Variants in LRBA observed in about 807,000 individuals in gnomAD.
LRBA encodes the protein LPS responsive beige-like anchor protein.
Under a neutral mutation model 330.0 loss-of-function variants are expected in LRBA, and 176 were observed. The ratio of observed to expected loss-of-function variants is 0.53; its 90% CI spans 0.47 to 0.60. The LOEUF is 0.60. LRBA is among the 20% of genes least tolerant of loss of function. LRBA has a pLI of 0.00. For missense variants in LRBA, 3,259 were observed against 3,444.8 expected (o/e 0.95, Z 1.35); for synonymous variants, 1,230 against 1,193.0 (o/e 1.03, Z -0.64).
At chr4:150,434,121 C>T (rs559796533) in intron 46 of LRBA, among the ~76,000 whole-genome samples, 110 of 152,168 alleles carry the variant, frequency 7.2e-4, no homozygotes, top group African/African-American at 2.4e-3. Flanking sequence ...TCCAATATTT[C>T]TCATCTGGCA....
intron 2 of LRBA, among the ~76,000 whole-genome samples, chr4:150,945,693 C>G (rs1456466806): frequency 3.3e-5 from 5 of 152,024 alleles, no homozygotes. Flanking sequence ...ATAGATAAGG[C>G]AAGTCATTCG....
intron 36 of LRBA, among the ~76,000 whole-genome samples, chr4:150,701,355 G>C (rs1785102661): frequency 6.6e-6 from 1 of 152,078 alleles, no homozygotes; most frequent in East Asian, 1.9e-4. Flanking sequence ...GCATAGTATA[G>C]TAAATACATA....
In LRBA at chr4:150,928,666, A is replaced by G. The variant is rs767945016; in HGVS notation, c.449-50T>C. 4.8e-6 allele frequency: 7 copies of G among 1,451,942 alleles called. No homozygotes were observed. The South Asian group carries it at 8.2e-5, about 17-fold the overall frequency. 89.9% of individuals were successfully genotyped at this position (1,451,942 alleles called of 1,614,324 possible). On this transcript the variant is annotated intron_variant, in intron 3 of 56. Transcript: ENST00000651943. ...ATAACTCAGCTAGTTATATTTCTCGAATATTTAAAATAAACTGTGCTTATT... is the reference window on the plus strand; with the variant it reads ...ATAACTCAGCTAGTTATATTTCTCGGATATTTAAAATAAACTGTGCTTATT...
intron 44 of LRBA, among the ~76,000 whole-genome samples, chr4:150,464,261 T>C (rs1755156395): frequency 6.6e-6 from 1 of 152,086 alleles, no homozygotes; most frequent in African/African-American, 2.4e-5. Context: ...CACGTATTCA[T>C]ATATATGTCA....
chr4:150,575,178 T>A (rs1770390277), intron 40 of LRBA, among the ~76,000 whole-genome samples: 1 of 152,004 alleles, frequency 6.6e-6, no homozygotes, highest in Non-Finnish European at 1.5e-5. Flanking sequence ...ATCAGATGGT[T>A]AAAGGAAAAG....
chr4:150,373,162 T>TGAGAGAGAGA (rs1385413027), intron 47 of LRBA, among the ~76,000 whole-genome samples: 22 of 144,986 alleles, frequency 1.5e-4, no homozygotes, highest in African/African-American at 5.2e-4. Flanking sequence ...TGTGTGTGTG[T>TGAGAGAGAGA]GTGTGTGTGT....
In LRBA at chr4:150,900,182, T is replaced by C; in HGVS notation, c.1791A>G (p.Glu597=). The C allele has an allele frequency of 6.2e-7, 1 of 1,613,080 alleles. No homozygotes were observed. The highest frequency in any genetic ancestry group is 8.5e-7 in the Non-Finnish European group (1 of 1,179,342). Residue 597 remains glutamate, a synonymous_variant, in exon 14 of 57, where the codon GAA becomes GAG. Transcript: ENST00000651943. ...QLMLYTYLST[E]FIGTVNIYNT... ...TATATATGTTGACTGTACCAATGAATTCCGTGGACAGATAAGTATAGAGCA... is the reference window on the plus strand; with the variant it reads ...TATATATGTTGACTGTACCAATGAACTCCGTGGACAGATAAGTATAGAGCA...
At chr4:150,833,272 A>G (rs1747469763) in intron 28 of LRBA, among the ~76,000 whole-genome samples, 1 of 151,886 alleles carries the variant, frequency 6.6e-6, no homozygotes. Flanking sequence ...GAGAACCTAC[A>G]CACACCACTA....
intron 49 of LRBA, among the ~76,000 whole-genome samples, chr4:150,323,009 G>GTA (rs1732747877): frequency 7.2e-6 from 1 of 138,958 alleles, no homozygotes; most frequent in Non-Finnish European, 1.6e-5. Context: ...GTGTGTGTGT[G>GTA]TGTGTGTGTG....
At chr4:150,600,519 A>G (rs2126517706) in intron 37 of LRBA, among the ~76,000 whole-genome samples, 1 of 152,320 alleles carries the variant, frequency 6.6e-6, no homozygotes, top group Admixed American at 6.5e-5. Context: ...TTAAAACAGT[A>G]GAGACTGATC....
Position 150,527,700 on chromosome 4 carries a change from T to A in LRBA, c.6331-36665A>T, listed in dbSNP as rs371444081. Among the ~76,000 whole-genome samples the A allele has an allele frequency of 4.9e-3, 739 of 152,328 alleles. 54 individuals are homozygous for A. The South Asian group carries it at 0.15, about 30-fold the overall frequency. Reference sequence around the variant, plus strand: ...CACTATCCTGCTCTTCTAAGCTCTATCTTGAATAATGAGAACTGAAAACTT... The same window carrying A: ...CACTATCCTGCTCTTCTAAGCTCTAACTTGAATAATGAGAACTGAAAACTT... On this transcript the variant is annotated intron_variant, in intron 40 of 56. Transcript: ENST00000651943.
At chr4:150,728,780 G>C (rs571984202) in intron 36 of LRBA, among the ~76,000 whole-genome samples, 33 of 152,028 alleles carry the variant, frequency 2.2e-4, no homozygotes, top group Non-Finnish European at 4.1e-4. Flanking sequence ...TTTCCTCTAA[G>C]ATCTGGAACA....
At chr4:150,835,158 G>T (rs1477412296) in intron 28 of LRBA, among the ~76,000 whole-genome samples, 1 of 152,068 alleles carries the variant, frequency 6.6e-6, no homozygotes, top group Non-Finnish European at 1.5e-5. Flanking sequence ...TGTTCCGTTG[G>T]TCTATATCTC....
intron 47 of LRBA, among the ~76,000 whole-genome samples, chr4:150,384,265 C>T (rs756857710): frequency 2.0e-5 from 3 of 151,920 alleles, no homozygotes; most frequent in Admixed American, 6.6e-5. Flanking sequence ...CTTGAACTCC[C>T]GACCTCAGGT....
At chr4:150,494,983 C>A (rs11724792) in intron 40 of LRBA, among the ~76,000 whole-genome samples, 4 of 151,000 alleles carry the variant, frequency 2.6e-5, no homozygotes, top group African/African-American at 9.8e-5. Flanking sequence ...CTGGGTGACA[C>A]AGCGAGACTC....
chr4:150,753,432 G>A (rs185325133), intron 35 of LRBA, among the ~76,000 whole-genome samples: 7 of 152,144 alleles, frequency 4.6e-5, no homozygotes, highest in Admixed American at 1.3e-4. Context: ...TGAGAGTTCC[G>A]TTTTTCACCT....
rs1437602521 is a variant in LRBA, at chr4:150,831,865, GGCTA to G, written c.4677_4680del (p.Gln1561HisfsTer25). On this transcript the variant is annotated frameshift_variant, in exon 29 of 57. Coordinates refer to ENST00000651943, the MANE Select transcript of LRBA (RefSeq NM_001364905.1). LOFTEE classifies it high-confidence loss of function. Reference sequence around the variant, plus strand: ...TCACTGCCAGTTTCTGTACATGACTGGCTATGCCTTTCATTTTGGGGTTCCAAAA... The same window carrying G: ...TCACTGCCAGTTTCTGTACATGACTGTGCCTTTCATTTTGGGGTTCCAAAA... 1 of 1,604,418 alleles carries G rather than the reference GGCTA, an allele frequency of 6.2e-7. No individual in the cohort carries two copies. Among genetic ancestry groups the G allele is most frequent in the Non-Finnish European group, 8.5e-7 (1 of 1,175,460 alleles).
rs1266807024 is a variant in LRBA at position 150,351,175 on chromosome 4, CAT to C, written c.7195-1018_7195-1017del. ...CCAGCTACAAGCGTTGTGCCTAAAA[CAT>C]AATAGATGCCAATAATGTTTGGTGA... is the stretch of plus-strand genomic sequence containing the variant. On this transcript the variant is annotated intron_variant, in intron 47 of 56. Transcript: ENST00000651943. Among the ~76,000 whole-genome samples, 11 of 152,230 alleles carry C rather than the reference CAT, an allele frequency of 7.2e-5. No individual in the cohort carries two copies. In the East Asian group the frequency reaches 2.1e-3, roughly 29 times the overall value.
At chr4:150,613,828 A>G (rs1775504314) in intron 37 of LRBA, among the ~76,000 whole-genome samples, 1 of 152,194 alleles carries the variant, frequency 6.6e-6, no homozygotes, top group Admixed American at 6.5e-5. Context: ...TTGGGTCTGT[A>G]TCTGAAACCT....
Sources: gnomAD v4.1 joint callset for allele counts (sites outside exome capture counted in the v4.1 genomes callset) on GRCh38, gnomAD v4.1.1 for gene constraint, MANE v1.5 for transcripts, NCBI Gene and HGNC (gene_info 2026-07-23, HGNC 2026-07-21) for gene names.